HERC3: variants seen among roughly 807,000 people sequenced by gnomAD.
HERC3 encodes the protein probable E3 ubiquitin-protein ligase HERC3.
In HERC3, 58 loss-of-function variants were observed where a neutral mutation model predicts 129.9. The ratio of observed to expected loss-of-function variants is 0.45; its 90% confidence interval spans 0.36 to 0.56. The LOEUF (loss-of-function observed/expected upper bound fraction) is 0.56, where lower values mean the gene tolerates loss of function less well. Among genes scored for constraint, HERC3 ranks in the 20% least tolerant of loss-of-function variants. The pLI, the probability that HERC3 is intolerant of heterozygous loss-of-function variation, is 0.00. For synonymous variants in HERC3, 430 were observed against 451.0 expected (o/e 0.95, Z 0.59); for missense variants, 835 against 1,244.2 (o/e 0.67, Z 4.95).
intron 23 of HERC3, among the ~76,000 whole-genome samples, chr4:88,695,279 T>C (rs1321329751): frequency 6.6e-6 from 1 of 152,228 alleles, no homozygotes; most frequent in East Asian, 1.9e-4. Flanking sequence ...AGGTCAGTGC[T>C]GCCTTCCATT....
Position 88,662,414 on chromosome 4 carries a change from T to A in HERC3, c.1147-17T>A. On this transcript the variant is annotated splice_polypyrimidine_tract_variant and intron_variant, in intron 10 of 25. Coordinates refer to ENST00000402738, the MANE Select transcript of HERC3 (RefSeq NM_014606.3). Reference sequence around the variant, plus strand: ...CTACATAATTTCTTCTTTTTACTGTTACATTTAATTCTCCAGAATTATTCT... The same window carrying A: ...CTACATAATTTCTTCTTTTTACTGTAACATTTAATTCTCCAGAATTATTCT... 6.3e-7 allele frequency: 1 copy of A among 1,596,390 alleles called. No homozygotes were observed. The highest frequency in any genetic ancestry group is 8.5e-7 in the Non-Finnish European group (1 of 1,173,918).
Position 88,662,291 on chromosome 4 carries a change from G to T in HERC3, c.1147-140G>T, listed in dbSNP as rs73841613. 8.4e-4 allele frequency: 636 copies of T among 756,340 alleles called. 5 individuals are homozygous for T. In the African/African-American group the frequency reaches 0.01, roughly 12 times the overall value. 46.9% of individuals were successfully genotyped at this position (756,340 alleles called of 1,614,324 possible). On this transcript the variant is annotated intron_variant, in intron 10 of 25. Coordinates refer to ENST00000402738, the MANE Select transcript of HERC3 (RefSeq NM_014606.3). ...TCTGTCAGGAGCCTCCATTCTGAAGGGTGGAGGGGATCTGGGCGGCACACT... is the reference window on the plus strand; with the variant it reads ...TCTGTCAGGAGCCTCCATTCTGAAGTGTGGAGGGGATCTGGGCGGCACACT...
the HERC3 span, among the ~76,000 whole-genome samples, chr4:88,579,232 A>AAAAAAAATATATAT: frequency 9.6e-6 from 1 of 104,096 alleles, no homozygotes; most frequent in African/African-American, 6.1e-5. Flanking sequence ...AAAAAAAAAA[A>AAAAAAAATATATAT]ATATATATAT....
chr4:88,580,223 A>T, the HERC3 span, among the ~76,000 whole-genome samples: 1 of 152,186 alleles, frequency 6.6e-6, no homozygotes, highest in Non-Finnish European at 1.5e-5. Flanking sequence ...TGGATTATGA[A>T]GGCAACGAAA....
At chr4:88,660,921 G>T (rs1222222758) in intron 10 of HERC3, among the ~76,000 whole-genome samples, 1 of 152,116 alleles carries the variant, frequency 6.6e-6, no homozygotes, top group Admixed American at 6.5e-5. Flanking sequence ...TCAAAGTCCA[G>T]CCAAAGTTGA....
At chr4:88,648,835 C>T (rs779089675) in intron 3 of HERC3, among the ~76,000 whole-genome samples, 2 of 150,724 alleles carry the variant, frequency 1.3e-5, no homozygotes, top group African/African-American at 4.9e-5. Flanking sequence ...CTGATTTTCT[C>T]TTTGCTTTTT....
At chr4:88,531,878 C>T in the HERC3 span, among the ~76,000 whole-genome samples, 2 of 152,156 alleles carry the variant, frequency 1.3e-5, no homozygotes, top group Non-Finnish European at 2.9e-5. Flanking sequence ...GCTGTGGCAG[C>T]CACAGCAGTG....
the HERC3 span, among the ~76,000 whole-genome samples, chr4:88,568,940 G>C: frequency 6.6e-6 from 1 of 151,934 alleles, no homozygotes; most frequent in African/African-American, 2.4e-5. Context: ...GAGGAGGAGT[G>C]ATGTAAACAC....
the HERC3 span, among the ~76,000 whole-genome samples, chr4:88,525,474 T>A: frequency 1.3e-5 from 2 of 152,194 alleles, no homozygotes. Context: ...TTGGCGCTTG[T>A]TGGGTAGGGG....
the HERC3 span, among the ~76,000 whole-genome samples, chr4:88,577,665 G>T: frequency 7.9e-6 from 1 of 126,608 alleles, no homozygotes; most frequent in African/African-American, 4.2e-5. Flanking sequence ...CTACTGAATA[G>T]TGGTTGACTT....
chr4:88,607,970 T>C (rs1203210617), intron 3 of HERC3, among the ~76,000 whole-genome samples: 1 of 152,224 alleles, frequency 6.6e-6, no homozygotes, highest in African/African-American at 2.4e-5. Context: ...ATTCTTTTCA[T>C]TCAATACAGA....
intron 3 of HERC3, among the ~76,000 whole-genome samples, chr4:88,639,147 A>G (rs187930114): frequency 3.3e-5 from 5 of 152,328 alleles, no homozygotes; most frequent in African/African-American, 7.2e-5. Context: ...AATCAGTATC[A>G]TGAAAATGGT....
the HERC3 span, among the ~76,000 whole-genome samples, chr4:88,538,547 T>C: frequency 5.1e-5 from 4 of 78,912 alleles, no homozygotes; most frequent in African/African-American, 1.3e-4. Context: ...AATTTCCTCT[T>C]TTTTTTTTTT....
chr4:88,609,624 T>C (rs1392137833), intron 3 of HERC3, among the ~76,000 whole-genome samples: 1 of 152,156 alleles, frequency 6.6e-6, no homozygotes, highest in African/African-American at 2.4e-5. Flanking sequence ...AGACTTCCTG[T>C]TCTAATCAGA....
intron 3 of HERC3, among the ~76,000 whole-genome samples, chr4:88,626,984 A>G (rs1406280359): frequency 6.6e-6 from 1 of 152,146 alleles, no homozygotes; most frequent in East Asian, 1.9e-4. Context: ...GTGGAAACCT[A>G]AATCACTGAT....
At chr4:88,534,651 A>C in the HERC3 span, among the ~76,000 whole-genome samples, 1 of 152,186 alleles carries the variant, frequency 6.6e-6, no homozygotes, top group African/African-American at 2.4e-5. Flanking sequence ...CATGGCATTA[A>C]CATGATTTTA....
chr4:88,595,841 C>CTTTTTTTTTTTTTT (rs532515500), intron 2 of HERC3, among the ~76,000 whole-genome samples: 1 of 80,250 alleles, frequency 1.2e-5, no homozygotes. Context: ...GCACTTAATT[C>CTTTTTTTTTTTTTT]TTTTTTTTTT....
intron 3 of HERC3, among the ~76,000 whole-genome samples, chr4:88,646,297 C>T (rs1340359056): frequency 6.6e-6 from 1 of 152,128 alleles, no homozygotes; most frequent in East Asian, 1.9e-4. Flanking sequence ...ACTCAAAAAA[C>T]ATTAAAAAAT....
the HERC3 span, among the ~76,000 whole-genome samples, chr4:88,578,392 GC>G: frequency 3.9e-5 from 6 of 152,172 alleles, no homozygotes; most frequent in East Asian, 9.7e-4. Context: ...GACCAGCCTG[GC>G]CAACATGGTG....
Sources: allele counts gnomAD v4.1 joint callset (sites outside exome capture counted in the v4.1 genomes callset), GRCh38; gene constraint gnomAD v4.1.1; transcripts MANE v1.5; gene names NCBI Gene and HGNC (gene_info 2026-07-23, HGNC 2026-07-21).